The following NT5DC4 variants were observed in gnomAD, a reference collection of about 807,000 sequenced individuals.
NT5DC4 encodes the protein 5'-nucleotidase domain-containing protein 4.
A neutral mutation model predicts 26.6 loss-of-function variants in NT5DC4; 44 were observed. The ratio of observed to expected loss-of-function variants is 1.65; its 90% CI spans 1.30 to 2.13. The LOEUF (loss-of-function observed/expected upper bound fraction) is 2.13. Among genes scored for constraint, NT5DC4 ranks in the 30% most tolerant of loss-of-function variants. The pLI, the probability that NT5DC4 is intolerant of heterozygous loss-of-function variation, is 0.00. For missense variants in NT5DC4, 399 were observed against 228.1 expected (o/e 1.75, Z -4.83); for synonymous variants, 157 against 86.7 (o/e 1.81, Z -4.51).
At position 112,722,057 on chromosome 2, in the gene NT5DC4, C is replaced by G. The variant is rs980801625; in HGVS notation, c.220C>G (p.Pro74Ala). Residue 74 changes from proline to alanine, a missense_variant, in exon 3 of 17, where the codon CCG becomes GCG. Coordinates refer to ENST00000688554, the MANE Select transcript of NT5DC4 (RefSeq NM_001393655.1). Reference protein sequence around the residue: ...LLERLVCIGYPHEILRYTYDP... With the variant: ...LLERLVCIGYAHEILRYTYDP... ...GGAGCGCCTGGTGTGCATTGGGTAC[C>G]CGCATGAGATCCTGCGCTACACCTA... 2.8e-6 allele frequency: 2 copies of G among 717,024 alleles called. No homozygotes were observed. The highest frequency in any genetic ancestry group is 3.5e-5 in the African/African-American group (2 of 57,220). 44.4% of individuals were successfully genotyped at this position (717,024 alleles called of 1,614,324 possible). A position where few individuals can be genotyped will look rare whatever the true frequency, so the allele number is the denominator to read the frequency against.
At chr2:112,732,665 TAG>T (rs1678625625) in intron 16 of NT5DC4, among the ~76,000 whole-genome samples, 1 of 152,080 alleles carries the variant, frequency 6.6e-6, no homozygotes, top group South Asian at 2.1e-4. Context: ...CTACCCAGGG[TAG>T]AGAGGATACA....
chr2:112,723,342 C>T, intron 7 of NT5DC4, 76 bp from the exon 8 acceptor site: 1 of 673,678 alleles, frequency 1.5e-6, no homozygotes, highest in East Asian at 2.9e-5. Context: ...TGGACACAGA[C>T]ATGTGGGTGG....
downstream of NT5DC4, among the ~76,000 whole-genome samples, chr2:112,739,247 C>T (rs186413196): frequency 3.9e-4 from 59 of 152,302 alleles, no homozygotes; most frequent in Admixed American, 3.6e-3. Context: ...TAGCAACACA[C>T]TATCTTTACC....
chr2:112,733,556 C>T (rs543535116), intron 16 of NT5DC4, among the ~76,000 whole-genome samples: 1 of 152,360 alleles, frequency 6.6e-6, no homozygotes, highest in South Asian at 2.1e-4. Flanking sequence ...TTCCCCCTTC[C>T]AGCTGGCTGG....
At chr2:112,723,360 T>TACACACACAC in intron 7 of NT5DC4, 58 bp from the exon 8 acceptor site, 1 of 191,972 alleles carries the variant, frequency 5.2e-6, no homozygotes, top group Non-Finnish European at 9.0e-6. Context: ...TGGGTACACA[T>TACACACACAC]GCACACACAC....
At chr2:112,724,219 G>T (rs145298023) in intron 10 of NT5DC4, 93 bp downstream of exon 10, 1 of 709,876 alleles carries the variant, frequency 1.4e-6, no homozygotes. Flanking sequence ...CCTCTCCCAC[G>T]TCCAGCCTCC....
chr2:112,725,430 T>A lies in NT5DC4; in HGVS notation c.1031T>A (p.Ile344Asn), dbSNP rs550665841. 3.2e-5 allele frequency: 23 copies of A among 716,756 alleles called. No individual in the cohort carries two copies. Among genetic ancestry groups the A allele is most frequent in the Non-Finnish European group, 5.5e-5 (21 of 384,738 alleles). 44.4% of individuals were successfully genotyped at this position (716,756 alleles called of 1,614,324 possible). A position where few individuals can be genotyped will look rare whatever the true frequency, so the allele number is the denominator to read the frequency against. The change falls in exon 13 of 17, where the codon ATC becomes AAC. Residue 344 changes from isoleucine to asparagine, a missense_variant. By Grantham distance (149) the Ile-to-Asn change is moderately radical (BLOSUM62 -3). Transcript: ENST00000688554. ...CELLGVRGMD[I>N]LYIGDHIFGD... is the part of the protein sequence containing the mutation. Reference sequence around the variant, plus strand: ...CTGCTTGGGGTTCGGGGGATGGACATCCTGTACATTGGGGACCACATTTTT... The same window carrying A: ...CTGCTTGGGGTTCGGGGGATGGACAACCTGTACATTGGGGACCACATTTTT...
Position 112,738,902 on chromosome 2 carries a change from A to G in NT5DC4, c.1345-11A>G. On this transcript the variant is annotated splice_polypyrimidine_tract_variant and intron_variant, in intron 16 of 16. Transcript: ENST00000688554. Reference sequence around the variant, plus strand: ...GAATATAAAACATTTTGTTTCTTCCACTTCTAACAGTTCATCAAGAGAAGC... The same window carrying G: ...GAATATAAAACATTTTGTTTCTTCCGCTTCTAACAGTTCATCAAGAGAAGC... The G allele has an allele frequency of 6.2e-7, 1 of 1,614,110 alleles. No individual in the cohort carries two copies. The highest frequency in any genetic ancestry group is 8.5e-7 in the Non-Finnish European group (1 of 1,179,964).
At chr2:112,724,751 G>A in intron 10 of NT5DC4, 30 bp from the exon 11 acceptor site, 1 of 716,116 alleles carries the variant, frequency 1.4e-6, no homozygotes, top group Non-Finnish European at 2.6e-6. Flanking sequence ...ACCAGGCTGT[G>A]TGTGTGCAGC....
chr2:112,741,553 G>C (rs879266989), downstream of NT5DC4, among the ~76,000 whole-genome samples: 40 of 152,224 alleles, frequency 2.6e-4, no homozygotes, highest in Admixed American at 2.4e-3. Flanking sequence ...TGTGGCTAGA[G>C]GCTGACACCC....
intron 16 of NT5DC4, chr2:112,738,150 G>C (rs1356587355): frequency 6.6e-6 from 1 of 151,956 alleles, no homozygotes; most frequent in Non-Finnish European, 1.5e-5. Context: ...TTTGTTACTT[G>C]AAGTGTTTCT....
At chr2:112,720,006 T>TCC (rs1377273731), upstream of NT5DC4, among the ~76,000 whole-genome samples, 392 of 126,548 alleles carry the variant, frequency 3.1e-3, 2 homozygotes, top group African/African-American at 0.011. Context: ...TCTTTTCTTT[T>TCC]CTTTTCCCTT....
chr2:112,726,943 G>GTT (rs1424309176), intron 15 of NT5DC4: 1 of 597,858 alleles, frequency 1.7e-6, no homozygotes, highest in South Asian at 1.9e-5. Context: ...CCTCTTGAAG[G>GTT]GCTGAGTTGA....
chr2:112,730,886 G>A (rs1678408423), intron 16 of NT5DC4, among the ~76,000 whole-genome samples: 2 of 152,120 alleles, frequency 1.3e-5, no homozygotes, highest in Admixed American at 6.5e-5. Flanking sequence ...TTCTATCCTA[G>A]CCCAGCAGAG....
Position 112,725,450 on chromosome 2 carries a change from A to G in NT5DC4, c.1051A>G (p.Ile351Val), listed in dbSNP as rs748624287. 1.4e-6 allele frequency: 1 copy of G among 717,058 alleles called. No individual in the cohort carries two copies. The highest frequency in any genetic ancestry group is 1.5e-5 in the South Asian group (1 of 67,576). 44.4% of individuals were successfully genotyped at this position (717,058 alleles called of 1,614,324 possible). A position where few individuals can be genotyped will look rare whatever the true frequency, so the allele number is the denominator to read the frequency against. Residue 351 changes from isoleucine to valine, a missense_variant, in exon 13 of 17, where the codon ATT (isoleucine) becomes GTT (valine). By Grantham distance (29) the Ile-to-Val change is conservative. Transcript: ENST00000688554. ...GMDILYIGDHIFGDILKSKKR... is the reference protein window; with the variant it reads ...GMDILYIGDHVFGDILKSKKR... ...GGACATCCTGTACATTGGGGACCAC[A>G]TTTTTGGGGACATTCTCAAGTCCAA...
chr2:112,740,992 GAGTCAGA>G (rs1558753337), downstream of NT5DC4: 1 of 1,610,832 alleles, frequency 6.2e-7, no homozygotes, highest in Non-Finnish European at 8.5e-7. Context: ...AGCAACTAAA[GAGTCAGA>G]AGTAATCCCT....
chr2:112,723,229 C>T (rs945735121), intron 7 of NT5DC4, 55 bp downstream of exon 7: 5 of 716,748 alleles, frequency 7.0e-6, no homozygotes, highest in South Asian at 1.5e-5. Context: ...CTTGGTTCCC[C>T]GGGCAGCCTT....
At chr2:112,736,579 C>T (rs951288460) in intron 16 of NT5DC4, 1 of 152,158 alleles carries the variant, frequency 6.6e-6, no homozygotes, top group African/African-American at 2.4e-5. Flanking sequence ...TATTTTGTAT[C>T]CTTGGCCTGC....
downstream of NT5DC4, chr2:112,740,956 T>TCTTC (rs1289319114): frequency 6.2e-7 from 1 of 1,613,952 alleles, no homozygotes; most frequent in South Asian, 1.1e-5. Context: ...CTTGGCCAGC[T>TCTTC]CTTCCACTGA....
Sources: allele counts gnomAD v4.1 joint callset (sites outside exome capture counted in the v4.1 genomes callset), GRCh38; gene constraint gnomAD v4.1.1; transcripts MANE v1.5; gene names NCBI Gene and HGNC (gene_info 2026-07-23, HGNC 2026-07-21).